Variants in KIAA1549 observed in about 807,000 individuals in gnomAD.
KIAA1549 encodes KIAA1549.
Under a neutral mutation model 156.4 loss-of-function variants are expected in KIAA1549, and 70 were observed. That is an observed-to-expected ratio of 0.45 (90% CI 0.37 to 0.55). The LOEUF (loss-of-function observed/expected upper bound fraction) is 0.55, where lower values mean the gene tolerates loss of function less well. Among genes scored for constraint, KIAA1549 ranks in the 20% least tolerant of loss-of-function variants. The pLI, the probability that KIAA1549 is intolerant of heterozygous loss-of-function variation, is 0.00. For synonymous variants in KIAA1549, 1,103 were observed against 1,066.4 expected (o/e 1.03, Z -0.67); for missense variants, 2,428 against 2,540.9 (o/e 0.96, Z 0.96).
intron 10 of KIAA1549, among the ~76,000 whole-genome samples, chr7:138,883,783 C>T (rs1811314938): frequency 6.6e-6 from 1 of 152,224 alleles, no homozygotes. Context: ...ATGCCAAAAG[C>T]AAACCGAAGC....
intron 1 of KIAA1549, among the ~76,000 whole-genome samples, chr7:138,929,342 C>A (rs149389869): frequency 1.2e-3 from 186 of 152,322 alleles, no homozygotes; most frequent in African/African-American, 4.4e-3. Flanking sequence ...CTTTGCTCAT[C>A]CATAAGAAGT....
chr7:138,903,460 A>G, intron 8 of KIAA1549, 128 bp downstream of exon 8: 1 of 961,370 alleles, frequency 1.0e-6, no homozygotes, highest in East Asian at 2.7e-5. Flanking sequence ...GATCAGTGGA[A>G]ATCAGAAATT....
At chr7:138,874,400 C>T (rs910830963) in intron 12 of KIAA1549, among the ~76,000 whole-genome samples, 2 of 151,930 alleles carry the variant, frequency 1.3e-5, no homozygotes, top group Admixed American at 6.6e-5. Flanking sequence ...AGTGTTATCA[C>T]AAAAAATAAG....
chr7:138,955,154 C>T (rs1023550048), intron 1 of KIAA1549, among the ~76,000 whole-genome samples: 6 of 152,224 alleles, frequency 3.9e-5, no homozygotes, highest in Non-Finnish European at 8.8e-5. Flanking sequence ...CTGACCCCCA[C>T]TGTCCACAGT....
intron 18 of KIAA1549, 44 bp downstream of exon 18, chr7:138,844,273 A>G: frequency 2.5e-6 from 4 of 1,611,468 alleles, no homozygotes; most frequent in Non-Finnish European, 3.4e-6. Context: ...CTTTCAAGTA[A>G]ATGTCCCGTA....
At chr7:138,972,789 T>C (rs936516288) in intron 1 of KIAA1549, among the ~76,000 whole-genome samples, 5 of 152,130 alleles carry the variant, frequency 3.3e-5, no homozygotes, top group Non-Finnish European at 1.5e-5. Context: ...TCCTTCCTTC[T>C]ACTTCCTTAA....
At chr7:138,942,963 A>G (rs1813227944) in intron 1 of KIAA1549, among the ~76,000 whole-genome samples, 1 of 151,624 alleles carries the variant, frequency 6.6e-6, no homozygotes, top group Non-Finnish European at 1.5e-5. Context: ...AATTCAAGCA[A>G]CAAACACAAA....
At chr7:138,967,937 G>A (rs1223681613) in intron 1 of KIAA1549, among the ~76,000 whole-genome samples, 3 of 152,120 alleles carry the variant, frequency 2.0e-5, no homozygotes, top group African/African-American at 7.2e-5. Context: ...TTCCCAAAGC[G>A]AGCACCTGTC....
chr7:138,886,316 C>G (rs11765802), intron 10 of KIAA1549, among the ~76,000 whole-genome samples: 45,499 of 151,900 alleles, frequency 0.3, 7,295 homozygotes, highest in Middle Eastern at 0.41. Context: ...GCTCTGTCAC[C>G]CAGGCTGGAG....
At chr7:138,901,614 T>C (rs1031468374) in intron 8 of KIAA1549, among the ~76,000 whole-genome samples, 2 of 152,200 alleles carry the variant, frequency 1.3e-5, no homozygotes, top group Non-Finnish European at 2.9e-5. Context: ...TGTGAGCCAC[T>C]GCACCCAGCC....
intron 1 of KIAA1549, among the ~76,000 whole-genome samples, chr7:138,980,257 T>C (rs1406908915): frequency 2.0e-5 from 3 of 152,252 alleles, no homozygotes; most frequent in African/African-American, 7.2e-5. Context: ...TCAGAGACGG[T>C]TTCCAGACCA....
intron 10 of KIAA1549, among the ~76,000 whole-genome samples, chr7:138,882,317 G>C (rs2130408900): frequency 6.6e-6 from 1 of 152,320 alleles, no homozygotes; most frequent in African/African-American, 2.4e-5. Flanking sequence ...GACAAGAGAG[G>C]CAAAGGAAGA....
At chr7:138,876,967 G>A (rs961991034) in intron 12 of KIAA1549, among the ~76,000 whole-genome samples, 3 of 152,096 alleles carry the variant, frequency 2.0e-5, no homozygotes, top group African/African-American at 7.2e-5. Flanking sequence ...AGCTTCCATT[G>A]CAAGGTGGGT....
chr7:138,901,309 AGC>A (rs1811833851), intron 8 of KIAA1549, among the ~76,000 whole-genome samples: 1 of 150,584 alleles, frequency 6.6e-6, no homozygotes, highest in Non-Finnish European at 1.5e-5. Context: ...ATACTTTTGT[AGC>A]CTCTCTTGAG....
intron 12 of KIAA1549, among the ~76,000 whole-genome samples, chr7:138,873,166 C>T (rs986003841): frequency 6.6e-5 from 10 of 152,198 alleles, no homozygotes; most frequent in African/African-American, 2.4e-4. Flanking sequence ...CACAGCATTG[C>T]TATGTAAATC....
At chr7:138,916,109 A>T (rs1373242363) in intron 2 of KIAA1549, among the ~76,000 whole-genome samples, 1 of 152,124 alleles carries the variant, frequency 6.6e-6, no homozygotes, top group African/African-American at 2.4e-5. Context: ...ATTTACAGGG[A>T]CCTATAAGAG....
intron 3 of KIAA1549, among the ~76,000 whole-genome samples, chr7:138,911,788 TC>T (rs1168249047): frequency 6.6e-6 from 1 of 152,196 alleles, no homozygotes; most frequent in Admixed American, 6.5e-5. Flanking sequence ...TATTCTACCC[TC>T]CTTTTTTCAC....
chr7:138,871,702 G>C (rs571949921), intron 12 of KIAA1549, among the ~76,000 whole-genome samples: 2 of 152,366 alleles, frequency 1.3e-5, no homozygotes, highest in South Asian at 4.1e-4. Context: ...TTGCTCAGTA[G>C]TCAATAAGCC....
intron 1 of KIAA1549, among the ~76,000 whole-genome samples, chr7:138,931,125 T>C (rs893280826): frequency 6.6e-6 from 1 of 152,152 alleles, no homozygotes; most frequent in Non-Finnish European, 1.5e-5. Context: ...TTTGCCTTTG[T>C]ATATGGGCAG....
Sources: gnomAD v4.1 joint callset for allele counts (sites outside exome capture counted in the v4.1 genomes callset) on GRCh38, gnomAD v4.1.1 for gene constraint, MANE v1.5 for transcripts, NCBI Gene and HGNC (gene_info 2026-07-23, HGNC 2026-07-21) for gene names.